The following TICRR variants were observed in gnomAD, a reference collection of about 807,000 sequenced individuals.
TICRR encodes TOPBP1 interacting checkpoint and replication regulator, also known as treslin.
In TICRR, 132 loss-of-function variants were observed where a neutral mutation model predicts 178.1. The observed-to-expected ratio is 0.74, with a 90% CI of 0.64 to 0.86. TICRR has a LOEUF of 0.86. Ranked by LOEUF, TICRR falls within the 40% of genes least tolerant of loss-of-function variation. The pLI is 0.00. For synonymous variants in TICRR, 991 were observed against 900.7 expected, an observed-to-expected ratio of 1.10 and a Z score of -1.79; for missense variants, 2,587 against 2,334.3, an observed-to-expected ratio of 1.11 and a Z score of -2.23.
At chr15:89,581,314 T>C (rs996579897) in intron 1 of TICRR, among the ~76,000 whole-genome samples, 1 of 152,252 alleles carries the variant, frequency 6.6e-6, no homozygotes, top group Non-Finnish European at 1.5e-5. Flanking sequence ...ATATTGTTGT[T>C]ATACTGTGAT....
In TICRR at chr15:89,627,755, C is replaced by T. The variant is rs1203802362; in HGVS notation, c.*669C>T. ...ACCCATTGCCCACTCCTGGGGAGAC[C>T]ATCACCTGGCTCATCGTTTCCACCA... On this transcript the variant is annotated 3_prime_UTR_variant, in exon 22 of 22. Transcript: ENST00000268138. 6.6e-6 allele frequency: 1 copy of T among 152,606 alleles called. No individual in the cohort carries two copies. Among genetic ancestry groups the T allele is most frequent in the East Asian group, 1.9e-4 (1 of 5,196 alleles). 9.5% of individuals were successfully genotyped at this position (152,606 alleles called of 1,614,324 possible).
At chr15:89,621,020 CTTGT>C (rs991540846) in intron 18 of TICRR, among the ~76,000 whole-genome samples, 7 of 132,192 alleles carry the variant, frequency 5.3e-5, no homozygotes, top group Admixed American at 1.5e-4. Context: ...TGCGCCCGGC[CTTGT>C]TTGTTTGTTT....
chr15:89,595,691 G>C (rs1962986479), intron 7 of TICRR, 80 bp downstream of exon 7: 1 of 996,940 alleles, frequency 1.0e-6, no homozygotes. Context: ...TTAGTTTATT[G>C]ACTATCTGCT....
Position 89,627,254 on chromosome 15 carries a change from G to T in TICRR, c.*168G>T. 1 of 772,686 alleles carries T rather than the reference G, an allele frequency of 1.3e-6. No homozygotes were observed. The highest frequency in any genetic ancestry group is 2.0e-6 in the Non-Finnish European group (1 of 500,574). The allele number at this position is 772,686 out of a possible 1,614,324, so 47.9% of individuals were successfully genotyped here. A position where few individuals can be genotyped will look rare whatever the true frequency, so the allele number is the denominator to read the frequency against. ...CCCTTATGGATCCAATCCATCTCCT[G>T]GCCCTGCCCCTTGTTGGGGAAGTTG... On this transcript the variant is annotated 3_prime_UTR_variant, in exon 22 of 22. Coordinates refer to ENST00000268138, the MANE Select transcript of TICRR (RefSeq NM_152259.4).
chr15:89,581,846 A>G (rs763002370), intron 1 of TICRR, among the ~76,000 whole-genome samples: 2 of 152,172 alleles, frequency 1.3e-5, no homozygotes, highest in Non-Finnish European at 2.9e-5. Flanking sequence ...GAGGCAGAGC[A>G]CAGACTTTAC....
intron 5 of TICRR, 54 bp from the exon 6 acceptor site, chr15:89,594,361 A>G: frequency 6.7e-7 from 1 of 1,482,256 alleles, no homozygotes; most frequent in Non-Finnish European, 9.1e-7. Context: ...TTATTTCTAA[A>G]GCATTTTGCA....
At position 89,619,894 on chromosome 15, in the gene TICRR, G is replaced by C. The variant is rs528559665; in HGVS notation, c.3154+52G>C. ...CAAGTCCGTGCTGACTTGGTGAGAA[G>C]TGTTTTTGGGAAAAGAAGCAAGAAA... On this transcript the variant is annotated intron_variant, in intron 18 of 21. Coordinates refer to ENST00000268138, the MANE Select transcript of TICRR (RefSeq NM_152259.4). 13 of 1,545,840 alleles carry C rather than the reference G, an allele frequency of 8.4e-6. No homozygotes were observed. The South Asian group carries it at 1.6e-4, about 19-fold the overall frequency.
Position 89,575,660 on chromosome 15 carries a change from G to C in TICRR, c.74G>C (p.Arg25Pro). The C allele has an allele frequency of 1.3e-6, 2 of 1,576,030 alleles. No individual in the cohort carries two copies. Among genetic ancestry groups the C allele is most frequent in the Non-Finnish European group, 1.7e-6 (2 of 1,163,386 alleles). Residue 25 changes from arginine (R) to proline (P), a missense_variant, in exon 1 of 22, where the codon CGG (arginine) becomes CCG (proline). Arg to Pro is a moderately radical substitution (Grantham distance 103, BLOSUM62 -2). Transcript: ENST00000268138. ...GCCGCCCGCCACAGCCGGGTCCGGC[G>C]GGCCGCCCTGCGCCTCCTCACCTAT... ...GGAARHSRVR[R>P]AALRLLTYLS...
At chr15:89,591,349 C>T (rs1962909321) in intron 4 of TICRR, among the ~76,000 whole-genome samples, 4 of 152,038 alleles carry the variant, frequency 2.6e-5, no homozygotes, top group Non-Finnish European at 1.5e-5. Context: ...GTCTCAAACT[C>T]CTGACCTCAG....
rs543509611 is a variant in TICRR, at chr15:89,601,690, G to C, written c.2328-47G>C. ...TAGGCTGGGTGAGGGAGGGAATAGAGAGGGTAAGATGGTAACTGTTCCGTA... is the reference window on the plus strand; with the variant it reads ...TAGGCTGGGTGAGGGAGGGAATAGACAGGGTAAGATGGTAACTGTTCCGTA... On this transcript the variant is annotated intron_variant, in intron 11 of 21. Transcript: ENST00000268138. The C allele has an allele frequency of 7.4e-6, 12 of 1,612,920 alleles. No individual in the cohort carries two copies. In the East Asian group the frequency reaches 2.7e-4, roughly 36 times the overall value.
intron 15 of TICRR, among the ~76,000 whole-genome samples, chr15:89,615,378 T>C (rs1193110309): frequency 6.6e-6 from 1 of 152,160 alleles, no homozygotes; most frequent in Non-Finnish European, 1.5e-5. Context: ...TGCTGGGCTG[T>C]TGGTTTTCAC....
rs370553025 is a variant in TICRR at position 89,585,798 on chromosome 15, C to A, written c.1267C>A (p.Arg423Ser). 1 of 1,614,150 alleles carries A rather than the reference C, an allele frequency of 6.2e-7. No homozygotes were observed. The highest frequency in any genetic ancestry group is 1.1e-5 in the South Asian group (1 of 91,084). Residue 423 changes from arginine to serine, a missense_variant, in exon 4 of 22, where the codon CGC (arginine) becomes AGC (serine). Arg to Ser is a moderately radical substitution (Grantham distance 110, BLOSUM62 -1). Coordinates refer to ENST00000268138, the MANE Select transcript of TICRR (RefSeq NM_152259.4). ...CAGTGCTATGATCCTCACTGTGTGC[C>A]GCACCAAGGAGGCTGAATTTCAACG... ...SASAMILTVC[R>S]TKEAEFQRHV...
At chr15:89,594,893 G>T (rs1353935875) in intron 6 of TICRR, among the ~76,000 whole-genome samples, 1 of 151,982 alleles carries the variant, frequency 6.6e-6, no homozygotes, top group African/African-American at 2.4e-5. Flanking sequence ...TTCTCATGTT[G>T]TTGAACATTT....
At chr15:89,626,910 G>T (rs567939114) in intron 21 of TICRR, 46 bp from the exon 22 acceptor site, 124 of 1,593,458 alleles carry the variant, frequency 7.8e-5, no homozygotes, top group Non-Finnish European at 1.0e-4. Flanking sequence ...TTTTCAGTTC[G>T]GTCCTCTGTG....
chr15:89,595,355 G>A, intron 6 of TICRR, 38 bp from the exon 7 acceptor site: 1 of 1,473,720 alleles, frequency 6.8e-7, no homozygotes, highest in Non-Finnish European at 9.5e-7. Flanking sequence ...AGAAGTGGAA[G>A]GCAATTTACT....
At chr15:89,616,624 C>T in intron 16 of TICRR, 129 bp downstream of exon 16, 4 of 682,430 alleles carry the variant, frequency 5.9e-6, no homozygotes, top group Admixed American at 2.6e-5. Context: ...AACCAAAGAG[C>T]ATTCTATAAG....
chr15:89,624,505 C>G lies in TICRR; in HGVS notation c.4195C>G (p.Gln1399Glu), dbSNP rs149237143. ...SDPRRSIVEC[Q>E]PDASATPGVG... The stretch of plus-strand genomic sequence containing the variant: ...TCCCAGAAGGAGCATCGTGGAGTGT[C>G]AGCCTGATGCCTCCGCTACTCCTGG... Residue 1399 changes from glutamine (Q) to glutamate (E), a missense_variant, in exon 20 of 22, where the codon CAG becomes GAG. Gln to Glu is a conservative substitution (Grantham distance 29, BLOSUM62 2). Coordinates refer to ENST00000268138, the MANE Select transcript of TICRR (RefSeq NM_152259.4). 3.8e-4 allele frequency: 620 copies of G among 1,613,988 alleles called. 3 individuals carry two copies. The highest frequency in any genetic ancestry group is 1.2e-4 in the Admixed American group (7 of 60,006).
chr15:89,608,939 G>A lies in TICRR; in HGVS notation c.2859G>A (p.Lys953=). 1 of 1,596,862 alleles carries A rather than the reference G, an allele frequency of 6.3e-7. No individual in the cohort carries two copies. The change falls in exon 15 of 22, where the codon AAG becomes AAA. Residue 953 remains lysine (K), a synonymous_variant. Coordinates refer to ENST00000268138, the MANE Select transcript of TICRR (RefSeq NM_152259.4). ...DGLEDKLDNF[K]KNKGYHKLLT... ...TAGAGGATAAACTTGACAACTTCAAGAAGAACAAAGGTACCACATTTCAGA... is the reference window on the plus strand; with the variant it reads ...TAGAGGATAAACTTGACAACTTCAAAAAGAACAAAGGTACCACATTTCAGA...
Position 89,618,225 on chromosome 15 carries a change from T to C in TICRR, c.3019+15T>C, listed in dbSNP as rs1456654646. The C allele has an allele frequency of 6.2e-7, 1 of 1,612,946 alleles. No individual in the cohort carries two copies. Among genetic ancestry groups the C allele is most frequent in the Non-Finnish European group, 8.5e-7 (1 of 1,178,910 alleles). ...AAAAGGAGATGGTGAGTGTTATCTC[T>C]TTTTGTTTTTAATGCAATCTACCCA... On this transcript the variant is annotated intron_variant, in intron 17 of 21. Transcript: ENST00000268138.
Sources: gnomAD v4.1 joint callset for allele counts (sites outside exome capture counted in the v4.1 genomes callset) on GRCh38, gnomAD v4.1.1 for gene constraint, MANE v1.5 for transcripts, NCBI Gene and HGNC (gene_info 2026-07-23, HGNC 2026-07-21) for gene names.